The following PDE3A variants were observed in gnomAD, a reference collection of about 807,000 sequenced individuals.
PDE3A encodes phosphodiesterase 3A.
Under a neutral mutation model 98.3 loss-of-function variants are expected in PDE3A, and 43 were observed. That is an observed-to-expected ratio of 0.44 (90% confidence interval 0.34 to 0.56). PDE3A has a LOEUF of 0.56. PDE3A is among the 20% of genes least tolerant of loss of function. The pLI, the probability that PDE3A is intolerant of heterozygous loss-of-function variation, is 0.01. For missense variants in PDE3A, 1,427 were observed against 1,440.7 expected (o/e 0.99, Z 0.15); for synonymous variants, 663 against 567.9 (o/e 1.17, Z -2.38).
chr12:20,643,550 A>G (rs530560805), intron 10 of PDE3A, among the ~76,000 whole-genome samples: 2 of 152,338 alleles, frequency 1.3e-5, no homozygotes, highest in African/African-American at 2.4e-5. Flanking sequence ...GATTGATGAC[A>G]GTATTATTCT....
chr12:20,427,731 G>A (rs1467990814), intron 1 of PDE3A, among the ~76,000 whole-genome samples: 1 of 151,812 alleles, frequency 6.6e-6, no homozygotes, highest in Admixed American at 6.6e-5. Flanking sequence ...TTTTCATGAG[G>A]TAGACTATGT....
intron 1 of PDE3A, among the ~76,000 whole-genome samples, chr12:20,385,366 T>C (rs1009536518): frequency 9.2e-5 from 14 of 151,998 alleles, no homozygotes; most frequent in Admixed American, 8.5e-4. Context: ...TCAACCATTG[T>C]GGAAGACAGT....
At chr12:20,386,182 T>TAA (rs1476240053) in intron 1 of PDE3A, among the ~76,000 whole-genome samples, 3 of 72,412 alleles carry the variant, frequency 4.1e-5, no homozygotes, top group Non-Finnish European at 5.3e-5. Context: ...AAAATATATA[T>TAA]AAATATATAT....
intron 1 of PDE3A, among the ~76,000 whole-genome samples, chr12:20,474,008 T>C (rs1330411446): frequency 6.6e-6 from 1 of 152,166 alleles, no homozygotes; most frequent in East Asian, 1.9e-4. Flanking sequence ...GGGAGTTAAA[T>C]TGTTAGGTTA....
rs563459515 is a variant in PDE3A at position 20,554,949 on chromosome 12, C to G, written c.961-1711C>G. Among the ~76,000 whole-genome samples, 4 of 152,260 alleles carry G rather than the reference C, an allele frequency of 2.6e-5. No homozygotes were observed. In the South Asian group the frequency reaches 8.3e-4, roughly 32 times the overall value. ...TGCATTTTTAATGCTAAACCATTAT[C>G]CCCAAATTTGGTTAAGTTTTATAAT... On this transcript the variant is annotated intron_variant, in intron 1 of 15. Coordinates refer to ENST00000359062, the MANE Select transcript of PDE3A (RefSeq NM_000921.5).
chr12:20,535,442 C>T (rs1418349957), intron 1 of PDE3A, among the ~76,000 whole-genome samples: 1 of 152,154 alleles, frequency 6.6e-6, no homozygotes. Flanking sequence ...TGGCTGTTTG[C>T]ATTCTGTCTG....
intron 1 of PDE3A, among the ~76,000 whole-genome samples, chr12:20,503,685 G>A (rs1381375906): frequency 6.6e-6 from 1 of 151,866 alleles, no homozygotes; most frequent in Non-Finnish European, 1.5e-5. Flanking sequence ...ATGTTATTAT[G>A]TCATAACTAC....
At chr12:20,650,629 A>G (rs780621422) in intron 14 of PDE3A, 29 bp downstream of exon 14, 1 of 1,473,412 alleles carries the variant, frequency 6.8e-7, no homozygotes, top group Admixed American at 1.7e-5. Flanking sequence ...ATACAGCTTA[A>G]TCTGTACTTA....
chr12:20,497,642 A>C (rs920124438), intron 1 of PDE3A, among the ~76,000 whole-genome samples: 1 of 152,170 alleles, frequency 6.6e-6, no homozygotes, highest in African/African-American at 2.4e-5. Context: ...TAGTCAATAT[A>C]AACCTAATCA....
At chr12:20,639,801 A>G in intron 9 of PDE3A, 45 bp from the exon 10 acceptor site, 1 of 844,450 alleles carries the variant, frequency 1.2e-6, no homozygotes. Flanking sequence ...TTTATGTCTG[A>G]CATACACATA....
At chr12:20,600,765 C>G (rs1182955260) in intron 2 of PDE3A, among the ~76,000 whole-genome samples, 2 of 152,064 alleles carry the variant, frequency 1.3e-5, no homozygotes, top group Non-Finnish European at 2.9e-5. Flanking sequence ...TTAATCATGA[C>G]TCCAGTATTT....
At chr12:20,613,863 A>G (rs1943932724) in intron 3 of PDE3A, among the ~76,000 whole-genome samples, 163 bp downstream of exon 3, 1 of 152,164 alleles carries the variant, frequency 6.6e-6, no homozygotes, top group South Asian at 2.1e-4. Flanking sequence ...AAACATAAAG[A>G]CTTCTGTCCT....
At chr12:20,427,862 T>A (rs1591920988) in intron 1 of PDE3A, among the ~76,000 whole-genome samples, 3 of 152,148 alleles carry the variant, frequency 2.0e-5, no homozygotes. Flanking sequence ...ATTCTGTTTT[T>A]ACATTTCTTA....
chr12:20,581,611 CTTTTCTT>C (rs1943067464), intron 2 of PDE3A, among the ~76,000 whole-genome samples: 2 of 76,366 alleles, frequency 2.6e-5, no homozygotes, highest in Non-Finnish European at 4.5e-5. Flanking sequence ...GATTTCTTTT[CTTTTCTT>C]TTTTTTTTTT....
In PDE3A at chr12:20,687,914, GA is replaced by G. The variant is rs58496505; in HGVS notation, c.*7666del. Among the ~76,000 whole-genome samples, 19,764 of 93,064 alleles carry G rather than the reference GA, an allele frequency of 0.21. 957 individuals carry two copies. Among genetic ancestry groups the G allele is most frequent in the Admixed American group, 0.3 (2,251 of 7,478 alleles). 61.1% of individuals were successfully genotyped at this position (93,064 alleles called of 152,430 possible). On this transcript the variant is annotated 3_prime_UTR_variant, in exon 16 of 16. Transcript: ENST00000359062. The stretch of plus-strand genomic sequence containing the variant: ...GACCAGTCATTACCTCTTCCCAACA[GA>G]AAAAAAAAAAAAAAAAAAAAAACTG...
At chr12:20,559,165 T>C (rs1292466672) in intron 2 of PDE3A, among the ~76,000 whole-genome samples, 1 of 152,152 alleles carries the variant, frequency 6.6e-6, no homozygotes, top group African/African-American at 2.4e-5. Context: ...GTATGCCTTT[T>C]CTATGTTTAG....
rs949263922 is a variant in PDE3A at position 20,415,397 on chromosome 12, T to C, written c.960+45153T>C. Among the ~76,000 whole-genome samples, 4 of 127,744 alleles carry C rather than the reference T, an allele frequency of 3.1e-5. No individual in the cohort carries two copies. The South Asian group carries it at 8.6e-4, about 27-fold the overall frequency. The allele number at this position is 127,744 out of a possible 152,430, so 83.8% of individuals were successfully genotyped here. On this transcript the variant is annotated intron_variant, in intron 1 of 15. Transcript: ENST00000359062. ...GGAATAAGCCGTTGGCCTCCTTTTA[T>C]CTACTTATTTATTTATTTATTTATA...
intron 10 of PDE3A, among the ~76,000 whole-genome samples, chr12:20,644,495 T>G (rs10841582): frequency 0.41 from 62,724 of 151,970 alleles, 13,080 homozygotes; most frequent in East Asian, 0.54. Context: ...GGATTTTAAG[T>G]AACTCACCCA....
chr12:20,419,080 A>G (rs1944469975), intron 1 of PDE3A, among the ~76,000 whole-genome samples: 1 of 152,162 alleles, frequency 6.6e-6, no homozygotes, highest in South Asian at 2.1e-4. Flanking sequence ...TATAGATTAA[A>G]GAAACTAAGC....
Sources: allele counts gnomAD v4.1 joint callset (sites outside exome capture counted in the v4.1 genomes callset), GRCh38; gene constraint gnomAD v4.1.1; transcripts MANE v1.5; gene names NCBI Gene and HGNC (gene_info 2026-07-23, HGNC 2026-07-21).